The following KIAA1217 variants were observed in gnomAD, a reference collection of about 807,000 sequenced individuals.
KIAA1217 encodes KIAA1217.
KIAA1217 carries 88 observed loss-of-function variants against 163.9 expected under a neutral mutation model. The observed-to-expected ratio is 0.54, with a 90% confidence interval of 0.45 to 0.64. The LOEUF (loss-of-function observed/expected upper bound fraction) is 0.64, where lower values mean the gene tolerates loss of function less well. Ranked by LOEUF, KIAA1217 falls within the 30% of genes least tolerant of loss-of-function variation. The pLI, the probability that KIAA1217 is intolerant of heterozygous loss-of-function variation, is 0.00. For missense variants in KIAA1217, 2,372 were observed against 2,475.0 expected, an observed-to-expected ratio of 0.96 and a Z score of 0.88; for synonymous variants, 903 against 923.1, an observed-to-expected ratio of 0.98 and a Z score of 0.39.
chr10:24,391,257 C>T (rs2054896340), intron 3 of KIAA1217, among the ~76,000 whole-genome samples: 1 of 150,128 alleles, frequency 6.7e-6, no homozygotes. Context: ...TGATCAGGGA[C>T]TATGAGGAGG....
chr10:24,152,630 C>A (rs1390464366), intron 2 of KIAA1217, among the ~76,000 whole-genome samples: 1 of 151,944 alleles, frequency 6.6e-6, no homozygotes, highest in Admixed American at 6.6e-5. Context: ...TCCAGTAATT[C>A]TCTCCTTGGA....
intron 1 of KIAA1217, among the ~76,000 whole-genome samples, chr10:23,935,859 C>T (rs907313151): frequency 4.6e-5 from 7 of 152,064 alleles, no homozygotes; most frequent in Non-Finnish European, 1.0e-4. Context: ...AACTGAAGCC[C>T]ACCTAATGGT....
At chr10:24,444,891 C>T (rs1264134051) in intron 5 of KIAA1217, among the ~76,000 whole-genome samples, 1 of 152,132 alleles carries the variant, frequency 6.6e-6, no homozygotes, top group Non-Finnish European at 1.5e-5. Flanking sequence ...CATTCCTGGA[C>T]TCTCTTTTTA....
rs148732438 is a variant in KIAA1217 at position 24,271,174 on chromosome 10, G to C, written c.354+51265G>C. ...TTTGGCATCAAAGTTATTTTTCTAA[G>C]TGCCATTCAATTTGGGACTTATTTT... On this transcript the variant is annotated intron_variant, in intron 2 of 20. Coordinates refer to ENST00000376454, the MANE Select transcript of KIAA1217 (RefSeq NM_019590.5). 5.3e-3 allele frequency among the ~76,000 whole-genome samples: 803 copies of C among 152,148 alleles called. 7 individuals are homozygous for C. The South Asian group carries it at 0.062, about 12-fold the overall frequency.
At chr10:24,191,901 G>T (rs554622441) in intron 2 of KIAA1217, among the ~76,000 whole-genome samples, 58 of 152,276 alleles carry the variant, frequency 3.8e-4, no homozygotes, top group African/African-American at 1.3e-3. Context: ...CTACAAGTGT[G>T]CACCACCACA....
At chr10:23,961,784 A>G (rs2131373871) in intron 1 of KIAA1217, among the ~76,000 whole-genome samples, 1 of 152,254 alleles carries the variant, frequency 6.6e-6, no homozygotes. Context: ...TGGAGTACAA[A>G]ATCAGGTGTG....
chr10:24,454,139 T>G (rs2061593049), intron 5 of KIAA1217, among the ~76,000 whole-genome samples: 2 of 151,698 alleles, frequency 1.3e-5, no homozygotes, highest in African/African-American at 4.8e-5. Context: ...TCTCTAAGAG[T>G]TCTCAAGACG....
intron 2 of KIAA1217, among the ~76,000 whole-genome samples, chr10:24,341,867 G>GA (rs981566896): frequency 0.022 from 3,059 of 141,810 alleles, 93 homozygotes; most frequent in African/African-American, 0.071. Context: ...TGGAACTCTG[G>GA]AAAAAAAAAA....
chr10:23,984,337 T>C (rs1391124791), intron 1 of KIAA1217, among the ~76,000 whole-genome samples: 1 of 152,186 alleles, frequency 6.6e-6, no homozygotes, highest in South Asian at 2.1e-4. Flanking sequence ...ACAGTCACAG[T>C]CTCTTTCATT....
At chr10:24,464,437 A>G (rs1480348227) in intron 5 of KIAA1217, among the ~76,000 whole-genome samples, 1 of 152,168 alleles carries the variant, frequency 6.6e-6, no homozygotes, top group East Asian at 1.9e-4. Flanking sequence ...GGTCAACAGA[A>G]GCCACCTCTC....
intron 1 of KIAA1217, among the ~76,000 whole-genome samples, chr10:23,952,681 G>C (rs1202531424): frequency 6.6e-6 from 1 of 152,152 alleles, no homozygotes; most frequent in African/African-American, 2.4e-5. Flanking sequence ...CTGTAAAATG[G>C]GAATGGTAAC....
At chr10:24,315,934 G>A (rs547583780) in intron 2 of KIAA1217, among the ~76,000 whole-genome samples, 1 of 148,648 alleles carries the variant, frequency 6.7e-6, no homozygotes, top group Non-Finnish European at 1.5e-5. Context: ...TCTAATGGGG[G>A]GGGGGAATCC....
At chr10:24,508,034 C>A (rs989582898) in intron 9 of KIAA1217, among the ~76,000 whole-genome samples, 4 of 152,140 alleles carry the variant, frequency 2.6e-5, no homozygotes, top group Non-Finnish European at 5.9e-5. Flanking sequence ...ATGAAGCCTG[C>A]ATTACCCTAA....
intron 3 of KIAA1217, among the ~76,000 whole-genome samples, chr10:24,396,826 T>C (rs1202141365): frequency 2.0e-5 from 3 of 152,112 alleles, no homozygotes; most frequent in Non-Finnish European, 4.4e-5. Context: ...ACTGGCAACA[T>C]TGGAAAGAGA....
chr10:24,097,639 G>A (rs1260965725), intron 2 of KIAA1217, among the ~76,000 whole-genome samples: 2 of 152,128 alleles, frequency 1.3e-5, no homozygotes, highest in African/African-American at 4.8e-5. Context: ...GAAAAGAACT[G>A]GGTTTCAGAG....
chr10:24,486,813 G>A (rs916826415), intron 6 of KIAA1217, among the ~76,000 whole-genome samples: 6 of 151,802 alleles, frequency 4.0e-5, no homozygotes, highest in African/African-American at 9.7e-5. Context: ...CTTCATGTTC[G>A]TTGGTGTCTA....
chr10:24,132,483 A>G (rs2063690142), intron 2 of KIAA1217, among the ~76,000 whole-genome samples: 1 of 152,236 alleles, frequency 6.6e-6, no homozygotes. Flanking sequence ...AGAGGCTACG[A>G]GGAATATAAG....
At chr10:24,256,780 G>A (rs959900170) in intron 2 of KIAA1217, among the ~76,000 whole-genome samples, 1 of 152,176 alleles carries the variant, frequency 6.6e-6, no homozygotes, top group African/African-American at 2.4e-5. Context: ...GTGGCCCAGA[G>A]TGTTTCGTTC....
At chr10:24,291,355 C>T (rs1028914478) in intron 2 of KIAA1217, among the ~76,000 whole-genome samples, 26 of 152,092 alleles carry the variant, frequency 1.7e-4, no homozygotes, top group Admixed American at 1.7e-3. Flanking sequence ...ATGGTAAAAC[C>T]CTGTCTCCAC....
Sources: allele counts gnomAD v4.1 joint callset (sites outside exome capture counted in the v4.1 genomes callset), GRCh38; gene constraint gnomAD v4.1.1; transcripts MANE v1.5; gene names NCBI Gene and HGNC (gene_info 2026-07-23, HGNC 2026-07-21).